The following SYNE1 variants were observed in gnomAD, a reference collection of about 807,000 sequenced individuals.
SYNE1 encodes nesprin-1.
In SYNE1, 616 loss-of-function variants were observed where a neutral mutation model predicts 1,111.0. The observed-to-expected ratio is 0.55, with a 90% CI of 0.52 to 0.59. SYNE1 has a LOEUF of 0.59. Among genes scored for constraint, SYNE1 ranks in the 20% least tolerant of loss-of-function variants. The pLI, the probability that SYNE1 is intolerant of heterozygous loss-of-function variation, is 0.00. For synonymous variants in SYNE1, 3,855 were observed against 3,825.8 expected (o/e 1.01, Z -0.28); for missense variants, 10,006 against 10,417.0 (o/e 0.96, Z 1.72).
chr6:152,156,140 T>C (rs1165908359), intron 131 of SYNE1, 43 bp from the exon 132 acceptor site: 3 of 1,607,252 alleles, frequency 1.9e-6, no homozygotes, highest in Admixed American at 1.7e-5. Flanking sequence ...ATTACATGTA[T>C]ACAGATGAGA....
chr6:152,612,045 G>A (rs2099632814), intron 3 of SYNE1, among the ~76,000 whole-genome samples: 1 of 151,250 alleles, frequency 6.6e-6, no homozygotes, highest in East Asian at 1.9e-4. Flanking sequence ...GAGAAAGCAG[G>A]AAAGATCTAA....
At position 152,236,172 on chromosome 6, in the gene SYNE1, T is replaced by C; in HGVS notation, c.20331A>G (p.Leu6777=). ...SQLNQLGECW[L]SNTNKMSKEL... is the part of the protein sequence containing the mutation. ...CCTTAGACATTTTATTGGTGTTACTTAGCCAGCACTCTCCAAGTTGATTTA... is the reference window on the plus strand; with the variant it reads ...CCTTAGACATTTTATTGGTGTTACTCAGCCAGCACTCTCCAAGTTGATTTA... The change falls in exon 110 of 146, where the codon CTA becomes CTG. Residue 6777 remains leucine, a synonymous_variant. Transcript: ENST00000367255. 1 of 1,614,238 alleles carries C rather than the reference T, an allele frequency of 6.2e-7. No homozygotes were observed. The highest frequency in any genetic ancestry group is 8.5e-7 in the Non-Finnish European group (1 of 1,180,036).
chr6:152,507,896 T>A (rs2099066366), intron 8 of SYNE1, among the ~76,000 whole-genome samples: 1 of 152,210 alleles, frequency 6.6e-6, no homozygotes, highest in African/African-American at 2.4e-5. Flanking sequence ...AAATCATTTT[T>A]AAATTTATTT....
At chr6:152,481,240 GAC>G in intron 14 of SYNE1, 1 of 209,556 alleles carries the variant, frequency 4.8e-6, no homozygotes, top group South Asian at 7.7e-5. Context: ...ATGCTTCTCA[GAC>G]CTCTAGATTG....
chr6:152,381,520 AAT>A (rs2154116058), intron 55 of SYNE1, 158 bp from the exon 56 acceptor site: 1 of 773,054 alleles, frequency 1.3e-6, no homozygotes, highest in Non-Finnish European at 2.2e-6. Flanking sequence ...CTTAAATTAT[AAT>A]AGCGGGAGTT....
intron 56 of SYNE1, among the ~76,000 whole-genome samples, chr6:152,377,632 AAAAAAAAAATATATATATATATATAT>A (rs1242611362): frequency 4.2e-4 from 36 of 85,520 alleles, no homozygotes; most frequent in African/African-American, 1.4e-3. Context: ...AAAAAAAAAA[AAAAAAAAAATATATATATATATATAT>A]ATATATATAT....
chr6:152,558,079 T>G lies in SYNE1; in HGVS notation c.68-18058A>C, dbSNP rs1045311257. On this transcript the variant is annotated intron_variant, in intron 3 of 145. Transcript: ENST00000367255. ...ATATAAAACATGGGGAGAGGAGAAG[T>G]TAAAGTGTAGTTTTTGTTTGCAGTC... Among the ~76,000 whole-genome samples the G allele has an allele frequency of 4.0e-5, 6 of 151,856 alleles. No individual in the cohort carries two copies. In the South Asian group the frequency reaches 6.2e-4, roughly 16 times the overall value.
rs377113267 is a variant in SYNE1 at position 152,164,196 on chromosome 6, C to T, written c.23757G>A (p.Ser7919=). ...CATTAAGCTTTCTCTGTATTTCTTC[C>T]GAGTTACAGGAATCGTAGACTATTG... ...AKPIVYDSCN[S]EEIQRKLNEQ... The change falls in exon 131 of 146, where the codon TCG becomes TCA. Residue 7919 remains serine, a synonymous_variant. Transcript: ENST00000367255. The T allele has an allele frequency of 1.1e-4, 180 of 1,614,124 alleles. 2 individuals are homozygous for T. The highest frequency in any genetic ancestry group is 7.8e-4 in the South Asian group (71 of 91,074).
intron 24 of SYNE1, among the ~76,000 whole-genome samples, chr6:152,454,985 A>C (rs2098685700): frequency 6.6e-6 from 1 of 152,198 alleles, no homozygotes; most frequent in South Asian, 2.1e-4. Context: ...TGAAGATGAT[A>C]AACATGAAGA....
chr6:152,315,197 C>CTTTTT (rs57333075), intron 87 of SYNE1: 2 of 110,934 alleles, frequency 1.8e-5, no homozygotes, highest in Non-Finnish European at 1.8e-5. Flanking sequence ...AGAGTAGTAA[C>CTTTTT]TTTTTTTTTT....
rs151279778 is a variant in SYNE1, at chr6:152,203,944, T to C, written c.23020-1995A>G. Among the ~76,000 whole-genome samples the C allele has an allele frequency of 3.4e-3, 515 of 152,308 alleles. 5 individuals are homozygous for C. In the East Asian group the frequency reaches 0.04, roughly 12 times the overall value. ...CCCAGGGCTACAATTAGCTTATCAA[T>C]GCTAACCATAGTGAGGGTAGACAAA... On this transcript the variant is annotated intron_variant, in intron 126 of 145. Transcript: ENST00000367255.
At chr6:152,254,344 C>T (rs911888976) in intron 104 of SYNE1, among the ~76,000 whole-genome samples, 14 of 148,806 alleles carry the variant, frequency 9.4e-5, no homozygotes, top group South Asian at 4.2e-4. Flanking sequence ...CTCTGCGTCC[C>T]GGGTTCAAGC....
At chr6:152,447,412 T>A (rs2098602341) in intron 29 of SYNE1, 46 bp downstream of exon 29, 2 of 1,604,450 alleles carry the variant, frequency 1.2e-6, no homozygotes, top group African/African-American at 2.7e-5. Flanking sequence ...ACCTTCCAGA[T>A]GCCTCACTCA....
At chr6:152,306,300 A>G (rs1359516607) in intron 91 of SYNE1, among the ~76,000 whole-genome samples, 1 of 152,124 alleles carries the variant, frequency 6.6e-6, no homozygotes, top group Non-Finnish European at 1.5e-5. Context: ...AGCCTGGCCA[A>G]CGTGGTGAAA....
Position 152,180,267 on chromosome 6 carries a change from C to T in SYNE1, c.23329G>A (p.Glu7777Lys), listed in dbSNP as rs1459811084. The change falls in exon 129 of 146, where the codon GAA becomes AAA. Residue 7777 changes from glutamate to lysine, a missense_variant. Around this residue, in one of 7 missense-constraint regions of SYNE1, gnomAD observed 2,182 missense variants for 2,287.8 expected, o/e 0.95. Coordinates refer to ENST00000367255, the MANE Select transcript of SYNE1 (RefSeq NM_182961.4). ...AAGACTGCCCATTCATTCAATCTTT[C>T]ACCTATTTGCTGCCGCCTTAAGGAG... Reference protein sequence around the residue: ...QLSLRRQQIGERLNEWAVFSE... With the variant: ...QLSLRRQQIGKRLNEWAVFSE... The T allele has an allele frequency of 6.2e-7, 1 of 1,613,994 alleles. No individual in the cohort carries two copies. Among genetic ancestry groups the T allele is most frequent in the Non-Finnish European group, 8.5e-7 (1 of 1,180,020 alleles).
intron 51 of SYNE1, among the ~76,000 whole-genome samples, chr6:152,391,929 A>G (rs1237516990): frequency 6.6e-6 from 1 of 152,188 alleles, no homozygotes; most frequent in East Asian, 1.9e-4. Flanking sequence ...TAATGGTCAG[A>G]TGAGGAAAAG....
In SYNE1 at chr6:152,154,835, A is replaced by G. The variant is rs1243234652; in HGVS notation, c.24129+57T>C. ...TAGTTTAGGTCTTGGAACTCCAACT[A>G]CCAGCTGGCTACTTTAATAGCAAAA... On this transcript the variant is annotated intron_variant, in intron 133 of 145. Coordinates refer to ENST00000367255, the MANE Select transcript of SYNE1 (RefSeq NM_182961.4). The G allele has an allele frequency of 6.3e-6, 10 of 1,591,228 alleles. No homozygotes were observed. In the East Asian group the frequency reaches 2.0e-4, roughly 32 times the overall value.
chr6:152,483,351 A>C, intron 13 of SYNE1, 102 bp from the exon 14 acceptor site: 3 of 1,003,948 alleles, frequency 3.0e-6, no homozygotes, highest in Non-Finnish European at 4.6e-6. Flanking sequence ...CTTTAAGTTA[A>C]TGATTTCAGG....
intron 134 of SYNE1, 112 bp downstream of exon 134, chr6:152,151,847 C>T (rs2060476879): frequency 2.7e-6 from 4 of 1,494,170 alleles, no homozygotes; most frequent in Admixed American, 1.9e-5. Flanking sequence ...CCGGTTTACT[C>T]CTCCTGCCAT....
Sources: gnomAD v4.1 joint callset for allele counts (sites outside exome capture counted in the v4.1 genomes callset) on GRCh38, gnomAD v4.1.1 for gene constraint, gnomAD v4.1.1 regional missense constraint, MANE v1.5 for transcripts, NCBI Gene and HGNC (gene_info 2026-07-23, HGNC 2026-07-21) for gene names.